CCDC85A: variants seen among roughly 807,000 people sequenced by gnomAD.
CCDC85A encodes the protein coiled-coil domain containing 85A.
CCDC85A carries 38 observed loss-of-function variants against 50.2 expected under a neutral mutation model. That is an observed-to-expected ratio of 0.76 (90% CI 0.58 to 0.99). The LOEUF is 0.99. Ranked by LOEUF, CCDC85A falls within the 50% of genes least tolerant of loss-of-function variation. The pLI is 0.00. For missense variants in CCDC85A, 820 were observed against 742.0 expected, an observed-to-expected ratio of 1.11 and a Z score of -1.22; for synonymous variants, 366 against 301.4, an observed-to-expected ratio of 1.21 and a Z score of -2.22.
rs1020806403 is a variant in CCDC85A, at chr2:56,333,278, G to A, written c.1241-9601G>A. 4.6e-5 allele frequency among the ~76,000 whole-genome samples: 7 copies of A among 152,306 alleles called. No homozygotes were observed. The East Asian group carries it at 1.4e-3, about 29-fold the overall frequency. ...AATGAGAAGTTGTGATTTGGACAGA[G>A]ACTTGTAAGAGGTGAGGAAGTTAGC... On this transcript the variant is annotated intron_variant, in intron 2 of 5. Coordinates refer to ENST00000407595, the MANE Select transcript of CCDC85A (RefSeq NM_001080433.2).
At chr2:56,368,115 G>A (rs186963362) in intron 3 of CCDC85A, among the ~76,000 whole-genome samples, 77 of 152,206 alleles carry the variant, frequency 5.1e-4, no homozygotes, top group South Asian at 1.9e-3. Context: ...GCAATATCAC[G>A]TCTGATAGTT....
intron 2 of CCDC85A, among the ~76,000 whole-genome samples, chr2:56,260,037 G>T (rs1465012943): frequency 6.6e-6 from 1 of 152,164 alleles, no homozygotes; most frequent in African/African-American, 2.4e-5. Flanking sequence ...GGTACTCATG[G>T]TAGTGAGTTT....
At chr2:56,368,525 G>C (rs1313737472) in intron 3 of CCDC85A, among the ~76,000 whole-genome samples, 2 of 152,062 alleles carry the variant, frequency 1.3e-5, no homozygotes, top group African/African-American at 4.8e-5. Flanking sequence ...CTTAAACTAG[G>C]CATACACTCT....
At chr2:56,326,719 T>A (rs1573264635) in intron 2 of CCDC85A, among the ~76,000 whole-genome samples, 1 of 152,294 alleles carries the variant, frequency 6.6e-6, no homozygotes, top group East Asian at 1.9e-4. Flanking sequence ...TTTTATCAAA[T>A]AAAATGCTTA....
chr2:56,284,024 A>T (rs1357924982), intron 2 of CCDC85A, among the ~76,000 whole-genome samples: 1 of 152,076 alleles, frequency 6.6e-6, no homozygotes, highest in Non-Finnish European at 1.5e-5. Flanking sequence ...ATTTCCCTCT[A>T]AGCATTGCTT....
intron 2 of CCDC85A, among the ~76,000 whole-genome samples, chr2:56,322,856 A>C (rs1673274308): frequency 6.6e-6 from 1 of 152,106 alleles, no homozygotes; most frequent in South Asian, 2.1e-4. Context: ...TGTGTTTATT[A>C]TGGCACTATT....
At position 56,193,122 on chromosome 2, in the gene CCDC85A, C is replaced by T. The variant is rs754029460; in HGVS notation, c.922C>T (p.His308Tyr). 1 of 1,613,712 alleles carries T rather than the reference C, an allele frequency of 6.2e-7. No individual in the cohort carries two copies. The highest frequency in any genetic ancestry group is 1.3e-5 in the African/African-American group (1 of 74,874). ...PGSSPETLPK[H>Y]VLSGSPEHFQ... is the part of the protein sequence containing the mutation. ...GAGCAGCCCCGAAACGCTGCCCAAGCACGTGCTGAGTGGGAGCCCGGAACA... is the reference window on the plus strand; with the variant it reads ...GAGCAGCCCCGAAACGCTGCCCAAGTACGTGCTGAGTGGGAGCCCGGAACA... Residue 308 changes from histidine to tyrosine, a missense_variant, in exon 2 of 6, where the codon CAC becomes TAC. Transcript: ENST00000407595.
At chr2:56,316,148 T>C (rs1046196214) in intron 2 of CCDC85A, among the ~76,000 whole-genome samples, 1 of 152,120 alleles carries the variant, frequency 6.6e-6, no homozygotes, top group South Asian at 2.1e-4. Context: ...AGTTAACAGC[T>C]GAGATTATAC....
rs1195944754 is a variant in CCDC85A, at chr2:56,385,517, A to G, written c.*1162A>G. 6.6e-6 allele frequency: 1 copy of G among 152,256 alleles called. No individual in the cohort carries two copies. The highest frequency in any genetic ancestry group is 2.1e-4 in the South Asian group (1 of 4,836). The allele number at this position is 152,256 out of a possible 1,614,324, so 9.4% of individuals were successfully genotyped here. A position where few individuals can be genotyped will look rare whatever the true frequency, so the allele number is the denominator to read the frequency against. ...GGTATTTTGTGTTAATCCAAATGCA[A>G]TGATAGTTTCTTGTATGAATGTGCA... On this transcript the variant is annotated 3_prime_UTR_variant, in exon 6 of 6. Coordinates refer to ENST00000407595, the MANE Select transcript of CCDC85A (RefSeq NM_001080433.2).
intron 2 of CCDC85A, among the ~76,000 whole-genome samples, chr2:56,283,974 T>C (rs1055100200): frequency 6.6e-6 from 1 of 152,096 alleles, no homozygotes; most frequent in African/African-American, 2.4e-5. Context: ...AAATCACTGA[T>C]TTTAAACCTT....
chr2:56,268,880 T>A (rs993293173), intron 2 of CCDC85A, among the ~76,000 whole-genome samples: 1 of 152,154 alleles, frequency 6.6e-6, no homozygotes. Context: ...ATTTGAGCTT[T>A]TTTTGTTATT....
chr2:56,215,839 A>G (rs1677370453), intron 2 of CCDC85A, among the ~76,000 whole-genome samples: 1 of 151,856 alleles, frequency 6.6e-6, no homozygotes, highest in Non-Finnish European at 1.5e-5. Context: ...TTTTTACATG[A>G]CTTGTAAGCT....
chr2:56,206,229 G>A (rs1676953987), intron 2 of CCDC85A, among the ~76,000 whole-genome samples: 1 of 152,072 alleles, frequency 6.6e-6, no homozygotes, highest in African/African-American at 2.4e-5. Context: ...AATATAAAAT[G>A]TTCATCATTC....
chr2:56,253,680 T>C (rs1002771686), intron 2 of CCDC85A, among the ~76,000 whole-genome samples: 1 of 152,142 alleles, frequency 6.6e-6, no homozygotes, highest in African/African-American at 2.4e-5. Flanking sequence ...AGGCTGATGG[T>C]AGCAATGCAT....
rs1338850629 is a variant in CCDC85A at position 56,275,448 on chromosome 2, CAGTTACACCAGCTATTTAACATCATAT to C, written c.1241-67428_1241-67402del. 2.0e-5 allele frequency among the ~76,000 whole-genome samples: 3 copies of C among 151,178 alleles called. No homozygotes were observed. In the South Asian group the frequency reaches 6.4e-4, roughly 32 times the overall value. On this transcript the variant is annotated intron_variant, in intron 2 of 5. Coordinates refer to ENST00000407595, the MANE Select transcript of CCDC85A (RefSeq NM_001080433.2). ...GCTATAGGTGCCATTTAAAGAGAAT[CAGTTACACCAGCTATTTAACATCATAT>C]AGACCTTACACCAGCTATTTAACAT...
chr2:56,363,566 C>G (rs1459536051), intron 3 of CCDC85A, among the ~76,000 whole-genome samples: 1 of 152,196 alleles, frequency 6.6e-6, no homozygotes, highest in Non-Finnish European at 1.5e-5. Context: ...TGCATGGGAG[C>G]TTCATATACT....
intron 2 of CCDC85A, among the ~76,000 whole-genome samples, chr2:56,263,731 A>G (rs1670317012): frequency 6.6e-6 from 1 of 152,222 alleles, no homozygotes. Context: ...CTGCAAGTTG[A>G]TTCATTCTCC....
At chr2:56,338,130 G>A (rs1674171568) in intron 2 of CCDC85A, among the ~76,000 whole-genome samples, 1 of 152,154 alleles carries the variant, frequency 6.6e-6, no homozygotes, top group South Asian at 2.1e-4. Flanking sequence ...TGAGAATTTG[G>A]CTGTTTTTTG....
At chr2:56,274,734 A>G (rs942055676) in intron 2 of CCDC85A, among the ~76,000 whole-genome samples, 3 of 152,334 alleles carry the variant, frequency 2.0e-5, no homozygotes, top group African/African-American at 7.2e-5. Context: ...AGCGTAAGCT[A>G]TGTCTTAGTC....
Sources: gnomAD v4.1 joint callset for allele counts (sites outside exome capture counted in the v4.1 genomes callset) on GRCh38, gnomAD v4.1.1 for gene constraint, MANE v1.5 for transcripts, NCBI Gene and HGNC (gene_info 2026-07-23, HGNC 2026-07-21) for gene names.